SIDT1: variants seen among roughly 807,000 people sequenced by gnomAD.
SIDT1 encodes the protein SID1 transmembrane family, member 1.
Under a neutral mutation model 107.5 loss-of-function variants are expected in SIDT1, and 101 were observed. The observed-to-expected ratio is 0.94, with a 90% confidence interval of 0.80 to 1.11. The LOEUF (loss-of-function observed/expected upper bound fraction) is 1.11. Among genes scored for constraint, SIDT1 ranks in the 50% least tolerant of loss-of-function variants. The pLI, the probability that SIDT1 is intolerant of heterozygous loss-of-function variation, is 0.00. For synonymous variants in SIDT1, 395 were observed against 398.2 expected (o/e 0.99, Z 0.10); for missense variants, 1,076 against 1,058.2 (o/e 1.02, Z -0.23).
intron 12 of SIDT1, among the ~76,000 whole-genome samples, chr3:113,603,504 C>G (rs2107673584): frequency 6.6e-6 from 1 of 152,230 alleles, no homozygotes; most frequent in South Asian, 2.1e-4. Context: ...TATCATCTTT[C>G]AAAAGGAAAG....
At chr3:113,600,601 G>A (rs1944890378) in intron 10 of SIDT1, among the ~76,000 whole-genome samples, 1 of 152,176 alleles carries the variant, frequency 6.6e-6, no homozygotes, top group African/African-American at 2.4e-5. Context: ...AGCAGTAGCA[G>A]CTGCAGCAGC....
intron 17 of SIDT1, 121 bp from the exon 18 acceptor site, chr3:113,610,887 G>A (rs1945686473): frequency 7.3e-6 from 9 of 1,227,932 alleles, no homozygotes; most frequent in South Asian, 4.3e-5. Flanking sequence ...CAGCCTGCGG[G>A]TAGAAAATAG....
chr3:113,559,857 T>G (rs1941259803), intron 1 of SIDT1, among the ~76,000 whole-genome samples: 1 of 152,214 alleles, frequency 6.6e-6, no homozygotes, highest in Non-Finnish European at 1.5e-5. Flanking sequence ...CTGTTTTACA[T>G]GTACAAACAT....
intron 1 of SIDT1, among the ~76,000 whole-genome samples, chr3:113,540,877 T>C (rs1938752993): frequency 6.6e-6 from 1 of 152,156 alleles, no homozygotes; most frequent in Admixed American, 6.6e-5. Flanking sequence ...TCCTCAGTGA[T>C]AAGCAATATT....
At chr3:113,573,365 G>A (rs1389026669) in intron 3 of SIDT1, among the ~76,000 whole-genome samples, 1 of 152,154 alleles carries the variant, frequency 6.6e-6, no homozygotes, top group Non-Finnish European at 1.5e-5. Flanking sequence ...TGGCATTATT[G>A]TGGTATTTAC....
rs116055204 is a variant in SIDT1, at chr3:113,568,178, C to T, written c.515+468C>T. The stretch of plus-strand genomic sequence containing the variant: ...TCTTGGTGTGACTAGTATTATTTTC[C>T]CCCTGTTTTTAAAAAACTAAAATAA... On this transcript the variant is annotated intron_variant, in intron 3 of 24. Transcript: ENST00000264852. Among the ~76,000 whole-genome samples the T allele has an allele frequency of 5.6e-3, 667 of 118,770 alleles. 2 individuals are homozygous for T. The highest frequency in any genetic ancestry group is 0.021 in the African/African-American group (643 of 30,128). 77.9% of individuals were successfully genotyped at this position (118,770 alleles called of 152,430 possible). A position where few individuals can be genotyped will look rare whatever the true frequency, so the allele number is the denominator to read the frequency against.
chr3:113,543,070 A>G (rs1215392713), intron 1 of SIDT1, among the ~76,000 whole-genome samples: 1 of 151,946 alleles, frequency 6.6e-6, no homozygotes, highest in African/African-American at 2.4e-5. Flanking sequence ...CCTCCCAAAT[A>G]GCTGGAACTA....
intron 6 of SIDT1, chr3:113,581,869 A>G (rs1943373160): frequency 6.3e-6 from 1 of 159,048 alleles, no homozygotes; most frequent in South Asian, 1.8e-4. Context: ...GCAAAACTCC[A>G]TTGAAATCAA....
At chr3:113,626,555 T>C (rs1946864598) in intron 24 of SIDT1, among the ~76,000 whole-genome samples, 1 of 152,172 alleles carries the variant, frequency 6.6e-6, no homozygotes, top group Admixed American at 6.5e-5. Flanking sequence ...CATTGGGTTA[T>C]TCCTTCTTAT....
intron 1 of SIDT1, among the ~76,000 whole-genome samples, chr3:113,543,810 A>ATAATAAAG (rs1576704828): frequency 6.6e-6 from 1 of 152,314 alleles, no homozygotes; most frequent in East Asian, 1.9e-4. Context: ...CCAATCATTA[A>ATAATAAAG]CATTTTGTCC....
chr3:113,607,983 G>A (rs1945458557), intron 15 of SIDT1, 111 bp from the exon 16 acceptor site: 2 of 1,247,016 alleles, frequency 1.6e-6, no homozygotes, highest in African/African-American at 3.1e-5. Flanking sequence ...CTTATGGAAA[G>A]GTTAATGGAA....
chr3:113,565,547 A>G (rs951106637), intron 1 of SIDT1, among the ~76,000 whole-genome samples: 1 of 152,168 alleles, frequency 6.6e-6, no homozygotes, highest in Non-Finnish European at 1.5e-5. Flanking sequence ...AAAAAGAGAG[A>G]GAGGAAGAAA....
intron 19 of SIDT1, 195 bp from the exon 20 acceptor site, chr3:113,615,905 A>G (rs2271498): frequency 0.35 from 213,352 of 607,108 alleles, 38,114 homozygotes; most frequent in African/African-American, 0.37. Context: ...TGTAATGCAC[A>G]GATATGGCAT....
At chr3:113,552,209 G>C (rs7620964) in intron 1 of SIDT1, among the ~76,000 whole-genome samples, 47,736 of 151,734 alleles carry the variant, frequency 0.31, 8,092 homozygotes, top group East Asian at 0.62. Flanking sequence ...CTGTATTTGC[G>C]CTCCCTTTCT....
chr3:113,607,639 A>G (rs977993579), intron 15 of SIDT1, among the ~76,000 whole-genome samples: 4 of 152,322 alleles, frequency 2.6e-5, no homozygotes, highest in African/African-American at 9.6e-5. Context: ...GAGCTGAACC[A>G]GCGTTCGTTT....
At chr3:113,603,206 T>G in intron 12 of SIDT1, 56 bp downstream of exon 12, 1 of 1,542,112 alleles carries the variant, frequency 6.5e-7, no homozygotes, top group Non-Finnish European at 8.8e-7. Context: ...GGCAGTAGAA[T>G]AAACTTCAGC....
intron 9 of SIDT1, among the ~76,000 whole-genome samples, chr3:113,586,491 A>G (rs1159191051): frequency 6.6e-6 from 1 of 152,208 alleles, no homozygotes; most frequent in East Asian, 1.9e-4. Context: ...GAGTTGGAAA[A>G]TCATCATTTT....
chr3:113,598,478 C>T (rs1315194017), intron 10 of SIDT1, among the ~76,000 whole-genome samples: 1 of 152,200 alleles, frequency 6.6e-6, no homozygotes, highest in Non-Finnish European at 1.5e-5. Flanking sequence ...TATCAGAGGA[C>T]TTCCAGTGAC....
chr3:113,576,894 T>C, intron 3 of SIDT1, 28 bp from the exon 4 acceptor site: 1 of 1,612,720 alleles, frequency 6.2e-7, no homozygotes, highest in Non-Finnish European at 8.5e-7. Context: ...ACTTTTCCCC[T>C]TTCCCTTCTG....
Sources: gnomAD v4.1 joint callset for allele counts (sites outside exome capture counted in the v4.1 genomes callset) on GRCh38, gnomAD v4.1.1 for gene constraint, MANE v1.5 for transcripts, NCBI Gene and HGNC (gene_info 2026-07-23, HGNC 2026-07-21) for gene names.